Variants in AXDND1 observed in about 807,000 individuals in gnomAD.
AXDND1 encodes the protein axonemal dynein light chain domain-containing protein 1.
Under a neutral mutation model 137.5 loss-of-function variants are expected in AXDND1, and 110 were observed. That is an observed-to-expected ratio of 0.80 (90% CI 0.69 to 0.94). The LOEUF (loss-of-function observed/expected upper bound fraction) is 0.94. AXDND1 is among the 40% of genes least tolerant of loss of function. The pLI, the probability that AXDND1 is intolerant of heterozygous loss-of-function variation, is 0.00. For missense variants in AXDND1, 1,191 were observed against 1,169.8 expected (o/e 1.02, Z -0.26); for synonymous variants, 414 against 399.7 (o/e 1.04, Z -0.43).
At chr1:179,424,236 T>C (rs1287824683) in intron 12 of AXDND1, among the ~76,000 whole-genome samples, 1 of 152,076 alleles carries the variant, frequency 6.6e-6, no homozygotes, top group Non-Finnish European at 1.5e-5. Context: ...GCTAGGTAAG[T>C]TGGAGCTCCT....
chr1:179,461,888 T>A (rs1662372728), intron 16 of AXDND1, among the ~76,000 whole-genome samples: 1 of 152,224 alleles, frequency 6.6e-6, no homozygotes, highest in Non-Finnish European at 1.5e-5. Context: ...TTTTTGCACA[T>A]TGATTTTGTA....
Position 179,482,098 on chromosome 1 carries a change from A to ATTTTT in AXDND1, c.1998-1008_1998-1004dup, listed in dbSNP as rs57145549. 3.7e-4 allele frequency among the ~76,000 whole-genome samples: 40 copies of ATTTTT among 108,066 alleles called. 1 individual carries two copies. The highest frequency in any genetic ancestry group is 5.0e-4 in the Non-Finnish European group (28 of 55,912). 70.9% of individuals were successfully genotyped at this position (108,066 alleles called of 152,430 possible). A position where few individuals can be genotyped will look rare whatever the true frequency, so the allele number is the denominator to read the frequency against. ...TTGGGACAAGATTAGGAGCTTTTTAATTTTTTTTTTTTTTTTTTTTTTTTT... is the reference window on the plus strand; with the variant it reads ...TTGGGACAAGATTAGGAGCTTTTTAATTTTTTTTTTTTTTTTTTTTTTTTTTTTTT... On this transcript the variant is annotated intron_variant, in intron 17 of 25. Transcript: ENST00000367618.
rs1558188041 is a variant in AXDND1, at chr1:179,444,981, G to GA, written c.1581dup (p.Glu528ArgfsTer19). The GA allele has an allele frequency of 1.9e-6, 3 of 1,603,294 alleles. No homozygotes were observed. Among genetic ancestry groups the GA allele is most frequent in the Non-Finnish European group, 2.6e-6 (3 of 1,171,764 alleles). ...CTTTCACTCTTTAGATCCTGAATGA[G>GA]AAAAAAGAAGAGTTTACTGGGGATG... On this transcript the variant is annotated frameshift_variant, in exon 16 of 26. Transcript: ENST00000367618. LOFTEE classifies it high-confidence loss of function.
intron 16 of AXDND1, chr1:179,451,123 C>T (rs911316000): frequency 6.6e-6 from 1 of 152,030 alleles, no homozygotes; most frequent in Non-Finnish European, 1.5e-5. Flanking sequence ...GAAGATTTTC[C>T]TCCTTTTCTG....
intron 25 of AXDND1, among the ~76,000 whole-genome samples, chr1:179,554,053 C>T (rs1364944563): frequency 6.6e-6 from 1 of 151,900 alleles, no homozygotes; most frequent in African/African-American, 2.4e-5. Flanking sequence ...GCTGGGATTA[C>T]AGGCATGTGC....
chr1:179,430,758 C>A (rs909021051), intron 14 of AXDND1, 152 bp downstream of exon 14: 8 of 771,920 alleles, frequency 1.0e-5, no homozygotes, highest in Admixed American at 8.5e-5. Flanking sequence ...CTGCTAACAA[C>A]CTTGAATAGT....
chr1:179,540,166 A>G (rs1026404827), intron 25 of AXDND1, among the ~76,000 whole-genome samples: 1 of 151,832 alleles, frequency 6.6e-6, no homozygotes, highest in South Asian at 2.1e-4. Flanking sequence ...GATGTTTGTT[A>G]TTACCCACCT....
chr1:179,391,232 C>T (rs1342296987), intron 9 of AXDND1, among the ~76,000 whole-genome samples: 3 of 149,800 alleles, frequency 2.0e-5, no homozygotes, highest in Admixed American at 6.7e-5. Flanking sequence ...TCCTTTCCTT[C>T]TGCATGATAC....
At chr1:179,514,396 G>A (rs1269885675) in intron 21 of AXDND1, among the ~76,000 whole-genome samples, 1 of 152,036 alleles carries the variant, frequency 6.6e-6, no homozygotes, top group Non-Finnish European at 1.5e-5. Context: ...TCCTTTTGGA[G>A]TTGATTTCCA....
At chr1:179,438,507 C>T (rs1349773572) in intron 15 of AXDND1, among the ~76,000 whole-genome samples, 1 of 152,170 alleles carries the variant, frequency 6.6e-6, no homozygotes, top group Non-Finnish European at 1.5e-5. Context: ...GAGGACATCA[C>T]AACAGAAGTT....
intron 25 of AXDND1, among the ~76,000 whole-genome samples, chr1:179,548,500 G>A (rs933002160): frequency 6.6e-5 from 10 of 152,186 alleles, no homozygotes; most frequent in Non-Finnish European, 1.2e-4. Flanking sequence ...CCCAGAAGAA[G>A]CCGTTGGAAG....
rs1649421216 is a variant in AXDND1 at position 179,387,567 on chromosome 1, C to T, written c.863+2208C>T. Among the ~76,000 whole-genome samples the T allele has an allele frequency of 2.6e-5, 4 of 152,294 alleles. No homozygotes were observed. The South Asian group carries it at 8.3e-4, about 32-fold the overall frequency. Reference sequence around the variant, plus strand: ...GCAGTAATTTTGATTGGATGGCAGTCATGAATTATGCCTTATTTGGATGCT... The same window carrying T: ...GCAGTAATTTTGATTGGATGGCAGTTATGAATTATGCCTTATTTGGATGCT... On this transcript the variant is annotated intron_variant, in intron 9 of 25. Transcript: ENST00000367618.
chr1:179,534,914 G>A lies in AXDND1; in HGVS notation c.2983G>A (p.Glu995Lys). 6.2e-7 allele frequency: 1 copy of A among 1,609,886 alleles called. No individual in the cohort carries two copies. The highest frequency in any genetic ancestry group is 8.5e-7 in the Non-Finnish European group (1 of 1,179,092). Residue 995 changes from glutamate (E) to lysine (K), a missense_variant, in exon 25 of 26, where the codon GAA (glutamate) becomes AAA (lysine). Physicochemically the swap from Glu to Lys is moderately conservative, Grantham distance 56. Coordinates refer to ENST00000367618, the MANE Select transcript of AXDND1 (RefSeq NM_144696.6). ...AAAAGAAGAAGAAGAACAACAAGAA[G>A]AAGAAGAAGTCAGGTCAGCAGAAAA... The part of the protein sequence containing the change: ...EVKEEEEQQE[E>K]EEVRSAENSS...
intron 17 of AXDND1, among the ~76,000 whole-genome samples, chr1:179,473,562 T>C (rs1239358131): frequency 6.6e-6 from 1 of 152,216 alleles, no homozygotes; most frequent in Admixed American, 6.5e-5. Flanking sequence ...GATATACTTC[T>C]ATCTAGTTTG....
chr1:179,464,670 A>C (rs1186466959), intron 16 of AXDND1, among the ~76,000 whole-genome samples: 1 of 152,152 alleles, frequency 6.6e-6, no homozygotes, highest in Non-Finnish European at 1.5e-5. Context: ...CTGCCTTGCT[A>C]GGTTGGGGAA....
At chr1:179,407,164 T>G (rs1343749586) in intron 11 of AXDND1, among the ~76,000 whole-genome samples, 1 of 152,148 alleles carries the variant, frequency 6.6e-6, no homozygotes, top group East Asian at 1.9e-4. Context: ...ACTTCTTTTG[T>G]CCTTTACTTT....
chr1:179,423,770 T>A (rs997810567), intron 12 of AXDND1, among the ~76,000 whole-genome samples: 8 of 152,252 alleles, frequency 5.3e-5, no homozygotes, highest in African/African-American at 1.9e-4. Flanking sequence ...TTTAGTTATT[T>A]GCATTTACAT....
chr1:179,493,059 C>T, intron 20 of AXDND1, 108 bp downstream of exon 20: 1 of 724,266 alleles, frequency 1.4e-6, no homozygotes, highest in Non-Finnish European at 2.2e-6. Flanking sequence ...AGAATACAAT[C>T]TTATAAGTTC....
chr1:179,542,965 A>G (rs1339778036), intron 25 of AXDND1, among the ~76,000 whole-genome samples: 1 of 152,190 alleles, frequency 6.6e-6, no homozygotes. Context: ...CCTGCAAGGG[A>G]CCTAAACAGA....
Sources: allele counts gnomAD v4.1 joint callset (sites outside exome capture counted in the v4.1 genomes callset), GRCh38; gene constraint gnomAD v4.1.1; transcripts MANE v1.5; gene names NCBI Gene and HGNC (gene_info 2026-07-23, HGNC 2026-07-21).